Variants in LRMDA observed in about 807,000 individuals in gnomAD.
LRMDA encodes the protein leucine rich melanocyte differentiation associated, also known as leucine-rich melanocyte differentiation-associated protein.
A neutral mutation model predicts 29.8 loss-of-function variants in LRMDA; 18 were observed. The observed-to-expected ratio is 0.60, with a 90% CI of 0.42 to 0.90. LRMDA has a LOEUF of 0.90. Among genes scored for constraint, LRMDA ranks in the 40% least tolerant of loss-of-function variants. LRMDA has a pLI of 0.00. For synonymous variants in LRMDA, 125 were observed against 109.4 expected (o/e 1.14, Z -0.89); for missense variants, 273 against 273.9 (o/e 1.00, Z 0.02).
intron 2 of LRMDA, among the ~76,000 whole-genome samples, chr10:75,675,745 A>G (rs1445289753): frequency 6.6e-6 from 1 of 151,720 alleles, no homozygotes; most frequent in Non-Finnish European, 1.5e-5. Flanking sequence ...TATCTTTACC[A>G]GTTGATTTTT....
chr10:75,643,583 A>T (rs1841479997), intron 2 of LRMDA, among the ~76,000 whole-genome samples: 1 of 152,208 alleles, frequency 6.6e-6, no homozygotes, highest in South Asian at 2.1e-4. Flanking sequence ...CACATTCTAG[A>T]AGGGCATATT....
At chr10:76,361,218 A>G (rs1048092263) in intron 6 of LRMDA, among the ~76,000 whole-genome samples, 1 of 151,728 alleles carries the variant, frequency 6.6e-6, no homozygotes, top group African/African-American at 2.4e-5. Context: ...TCGAGATTGC[A>G]CCATTGCACT....
intron 6 of LRMDA, among the ~76,000 whole-genome samples, chr10:76,515,725 G>A (rs1377356301): frequency 6.6e-6 from 1 of 152,082 alleles, no homozygotes; most frequent in East Asian, 1.9e-4. Context: ...GGCTGGTCTT[G>A]AACTCCTGGA....
chr10:76,397,145 C>G (rs963938043), intron 6 of LRMDA, among the ~76,000 whole-genome samples: 6 of 152,198 alleles, frequency 3.9e-5, no homozygotes, highest in African/African-American at 1.4e-4. Flanking sequence ...GGAAGTCTGT[C>G]TTTCCCATTA....
intron 2 of LRMDA, among the ~76,000 whole-genome samples, chr10:75,526,262 G>A (rs907224239): frequency 2.6e-5 from 4 of 151,762 alleles, no homozygotes; most frequent in Non-Finnish European, 4.4e-5. Flanking sequence ...ATTGGGTCTC[G>A]TTATGTTGTC....
intron 5 of LRMDA, among the ~76,000 whole-genome samples, chr10:76,217,713 T>A (rs923789590): frequency 3.9e-5 from 6 of 152,140 alleles, no homozygotes; most frequent in Non-Finnish European, 8.8e-5. Flanking sequence ...GAGAAGTAAT[T>A]TTACTTTTTG....
At chr10:75,756,402 T>A (rs1843032702) in intron 2 of LRMDA, among the ~76,000 whole-genome samples, 1 of 152,168 alleles carries the variant, frequency 6.6e-6, no homozygotes, top group Admixed American at 6.5e-5. Context: ...TAGGACTACA[T>A]GCTAGGAGTG....
chr10:76,080,630 C>G (rs553750235), intron 5 of LRMDA, among the ~76,000 whole-genome samples: 1 of 152,348 alleles, frequency 6.6e-6, no homozygotes, highest in South Asian at 2.1e-4. Flanking sequence ...CACATATCAG[C>G]TTTGTCTCAG....
chr10:76,186,790 A>G (rs1323604397), intron 5 of LRMDA, among the ~76,000 whole-genome samples: 3 of 152,190 alleles, frequency 2.0e-5, no homozygotes, highest in African/African-American at 7.2e-5. Flanking sequence ...TCTATCTAAC[A>G]TCTAGCTGCT....
chr10:76,550,644 A>C (rs888219255), intron 6 of LRMDA, among the ~76,000 whole-genome samples: 1 of 151,914 alleles, frequency 6.6e-6, no homozygotes, highest in Non-Finnish European at 1.5e-5. Flanking sequence ...CAAGTCTCAC[A>C]CTTTTTTTTT....
At chr10:75,700,256 G>GTT (rs34497500) in intron 2 of LRMDA, among the ~76,000 whole-genome samples, 1,818 of 140,546 alleles carry the variant, frequency 0.013, 33 homozygotes, top group African/African-American at 0.042. Flanking sequence ...CTTTGTGTGA[G>GTT]TTTTTTTTTT....
intron 2 of LRMDA, among the ~76,000 whole-genome samples, chr10:75,885,513 C>G (rs1466146910): frequency 6.6e-6 from 1 of 152,208 alleles, no homozygotes; most frequent in Non-Finnish European, 1.5e-5. Context: ...ATAGAAGCTC[C>G]TGGTGTAGCT....
chr10:75,834,031 G>C (rs1011022787), intron 2 of LRMDA, among the ~76,000 whole-genome samples: 2 of 152,082 alleles, frequency 1.3e-5, no homozygotes, highest in Non-Finnish European at 2.9e-5. Context: ...TTCCTTTTTC[G>C]TGAAGGTAGG....
At chr10:75,818,506 C>G (rs1042880249) in intron 2 of LRMDA, among the ~76,000 whole-genome samples, 1 of 152,146 alleles carries the variant, frequency 6.6e-6, no homozygotes, top group Non-Finnish European at 1.5e-5. Flanking sequence ...GAGATGAGAT[C>G]TTATTTGAAT....
At chr10:75,831,429 G>A (rs1445458748) in intron 2 of LRMDA, among the ~76,000 whole-genome samples, 1 of 152,196 alleles carries the variant, frequency 6.6e-6, no homozygotes, top group Non-Finnish European at 1.5e-5. Flanking sequence ...CAAGACATGG[G>A]TTCCCATGGT....
chr10:75,732,539 G>A (rs1842712347), intron 2 of LRMDA, among the ~76,000 whole-genome samples: 2 of 152,196 alleles, frequency 1.3e-5, no homozygotes, highest in South Asian at 4.1e-4. Flanking sequence ...TCTTTGGGGA[G>A]CTGGAATGTG....
intron 4 of LRMDA, among the ~76,000 whole-genome samples, chr10:76,053,447 C>T (rs983465114): frequency 5.9e-5 from 9 of 152,134 alleles, no homozygotes; most frequent in Non-Finnish European, 8.8e-5. Flanking sequence ...ATTAAATTTA[C>T]AAGGGTTGAA....
rs190390761 is a variant in LRMDA, at chr10:75,749,782, C to T, written c.132-286226C>T. Among the ~76,000 whole-genome samples, 755 of 152,146 alleles carry T rather than the reference C, an allele frequency of 5.0e-3. 3 individuals carry two copies. Among genetic ancestry groups the T allele is most frequent in the Non-Finnish European group, 8.1e-3 (549 of 67,986 alleles). The stretch of plus-strand genomic sequence containing the variant: ...CTAGGCAGAGGACCCTGCGGCCTTC[C>T]GCAGTGTTTGTGTCCCTGGGTACTT... On this transcript the variant is annotated intron_variant, in intron 2 of 6. Coordinates refer to ENST00000611255, the MANE Select transcript of LRMDA (RefSeq NM_001305581.2).
rs879522237 is a variant in LRMDA at position 75,905,541 on chromosome 10, C to CA, written c.132-130456dup. 3.3e-3 allele frequency among the ~76,000 whole-genome samples: 472 copies of CA among 142,048 alleles called. 4 individuals are homozygous for CA. Among genetic ancestry groups the CA allele is most frequent in the African/African-American group, 8.1e-3 (315 of 39,010 alleles). 93.2% of individuals were successfully genotyped at this position (142,048 alleles called of 152,430 possible). A position where few individuals can be genotyped will look rare whatever the true frequency, so the allele number is the denominator to read the frequency against. The stretch of plus-strand genomic sequence containing the variant: ...ATGTATGAAATTATCACATGTATAC[C>CA]AAAAAAAAAAAGAGTCTGTCAAAAT... On this transcript the variant is annotated intron_variant, in intron 2 of 6. Coordinates refer to ENST00000611255, the MANE Select transcript of LRMDA (RefSeq NM_001305581.2).
Sources: allele counts gnomAD v4.1 joint callset (sites outside exome capture counted in the v4.1 genomes callset), GRCh38; gene constraint gnomAD v4.1.1; transcripts MANE v1.5; gene names NCBI Gene and HGNC (gene_info 2026-07-23, HGNC 2026-07-21).